Variants in PCDH15 observed in about 807,000 individuals in gnomAD.
PCDH15 encodes the protein protocadherin related 15.
PCDH15 carries 129 observed loss-of-function variants against 178.5 expected under a neutral mutation model. The ratio of observed to expected loss-of-function variants is 0.72; its 90% CI spans 0.63 to 0.84. PCDH15 has a LOEUF of 0.84. Among genes scored for constraint, PCDH15 ranks in the 40% least tolerant of loss-of-function variants. The probability of loss-of-function intolerance (pLI) is 0.00; values close to 1 mark genes in which losing one functional copy is unlikely to be tolerated. For missense variants in PCDH15, 2,230 were observed against 2,099.9 expected (o/e 1.06, Z -1.21); for synonymous variants, 800 against 732.0 (o/e 1.09, Z -1.50).
At chr10:54,600,300 T>C in intron 2 of PCDH15, 4 of 538,900 alleles carry the variant, frequency 7.4e-6, no homozygotes, top group Non-Finnish European at 1.4e-5. Flanking sequence ...AAGGGAGTGA[T>C]AAAGATTCCA....
chr10:54,385,878 C>T (rs915160449), intron 3 of PCDH15, among the ~76,000 whole-genome samples: 2 of 152,130 alleles, frequency 1.3e-5, no homozygotes, highest in Admixed American at 1.3e-4. Context: ...CAAAGCCTGA[C>T]GAAGTACTTT....
chr10:54,059,881 C>T (rs1414552046), intron 18 of PCDH15, among the ~76,000 whole-genome samples: 1 of 152,160 alleles, frequency 6.6e-6, no homozygotes, highest in Non-Finnish European at 1.5e-5. Context: ...TAGTTCGTGG[C>T]ACATTGTAAG....
At chr10:55,380,216 T>G (rs1837500573) in intron 2 of PCDH15, among the ~76,000 whole-genome samples, 2 of 152,020 alleles carry the variant, frequency 1.3e-5, no homozygotes, top group African/African-American at 4.8e-5. Context: ...GTAACAGTCA[T>G]CCAAAGAATA....
At chr10:54,942,303 G>T (rs545739374) in intron 2 of PCDH15, among the ~76,000 whole-genome samples, 5 of 152,102 alleles carry the variant, frequency 3.3e-5, no homozygotes, top group African/African-American at 9.6e-5. Context: ...GGGTTGTGGT[G>T]CCAATGCCAC....
intron 1 of PCDH15, among the ~76,000 whole-genome samples, chr10:54,741,124 C>T (rs1944747865): frequency 1.3e-5 from 2 of 150,050 alleles, no homozygotes; most frequent in Non-Finnish European, 1.5e-5. Context: ...ACCATATGTA[C>T]CACATAAATA....
intron 25 of PCDH15, among the ~76,000 whole-genome samples, chr10:53,921,902 T>C (rs2610855): frequency 0.047 from 7,101 of 152,282 alleles, 513 homozygotes; most frequent in African/African-American, 0.16. Context: ...TCCCTATTTA[T>C]GGAAAAGATA....
At chr10:54,181,073 C>T (rs1451176155) in intron 13 of PCDH15, among the ~76,000 whole-genome samples, 1 of 152,128 alleles carries the variant, frequency 6.6e-6, no homozygotes, top group Non-Finnish European at 1.5e-5. Context: ...GGCTGTTTTT[C>T]TGTGTAAACT....
Position 55,182,124 on chromosome 10 carries a change from G to A in PCDH15, c.-155-15473C>T, listed in dbSNP as rs1166739590. Among the ~76,000 whole-genome samples the A allele has an allele frequency of 2.0e-5, 3 of 151,960 alleles. No individual in the cohort carries two copies. The East Asian group carries it at 5.8e-4, about 29-fold the overall frequency. ...AAAACAAGATTCTTGGCATTCTGAG[G>A]TTTTCTAGCATGAGGATACTTATTT... On this transcript the variant is annotated intron_variant, in intron 1 of 5. Transcript: ENST00000458638.
At chr10:54,029,270 G>C (rs1590004740) in intron 18 of PCDH15, among the ~76,000 whole-genome samples, 1 of 152,242 alleles carries the variant, frequency 6.6e-6, no homozygotes, top group South Asian at 2.1e-4. Flanking sequence ...AAGCAGCTCA[G>C]TGTATGATGC....
chr10:54,930,157 G>A (rs1475821444), intron 2 of PCDH15, among the ~76,000 whole-genome samples: 2 of 152,124 alleles, frequency 1.3e-5, no homozygotes, highest in African/African-American at 4.8e-5. Context: ...TGTACAGTAA[G>A]GAGCACACAA....
intron 14 of PCDH15, among the ~76,000 whole-genome samples, chr10:54,133,771 G>T (rs1258273709): frequency 1.3e-5 from 2 of 151,952 alleles, no homozygotes; most frequent in African/African-American, 4.8e-5. Context: ...GGTTTGTAAG[G>T]TGGAAACATT....
At chr10:54,195,016 C>T (rs7901520) in intron 11 of PCDH15, among the ~76,000 whole-genome samples, 1 of 151,936 alleles carries the variant, frequency 6.6e-6, no homozygotes, top group Non-Finnish European at 1.5e-5. Flanking sequence ...AGTCTTTCAG[C>T]CCTTCTGTTC....
At chr10:53,952,445 C>G (rs891783782) in intron 23 of PCDH15, among the ~76,000 whole-genome samples, 23 of 152,260 alleles carry the variant, frequency 1.5e-4, no homozygotes, top group Middle Eastern at 3.4e-3. Flanking sequence ...GCAGGTTGTC[C>G]TGATGTCTGC....
intron 12 of PCDH15, among the ~76,000 whole-genome samples, chr10:54,184,897 T>C (rs751550496): frequency 2.6e-5 from 4 of 152,128 alleles, no homozygotes; most frequent in Admixed American, 1.3e-4. Context: ...TTCTTTTTTT[T>C]TTGAAAAGTT....
chr10:54,602,758 T>C (rs76877454), intron 2 of PCDH15, among the ~76,000 whole-genome samples: 1,915 of 152,136 alleles, frequency 0.013, 43 homozygotes, highest in African/African-American at 0.044. Flanking sequence ...GTTTATGTAG[T>C]GTATCACATT....
At chr10:54,117,492 T>G (rs4007261) in intron 15 of PCDH15, among the ~76,000 whole-genome samples, 95,597 of 151,854 alleles carry the variant, frequency 0.63, 30,790 homozygotes, top group East Asian at 0.99. Flanking sequence ...GTGTCGGGGA[T>G]GGGGTGCCTG....
chr10:55,079,659 T>C (rs1458618246), intron 2 of PCDH15, among the ~76,000 whole-genome samples: 1 of 152,114 alleles, frequency 6.6e-6, no homozygotes, highest in Non-Finnish European at 1.5e-5. Flanking sequence ...GGACAGCTAG[T>C]GTGGCATGGG....
intron 1 of PCDH15, among the ~76,000 whole-genome samples, chr10:55,184,336 C>A (rs1232263495): frequency 1.3e-5 from 2 of 151,908 alleles, no homozygotes; most frequent in Non-Finnish European, 2.9e-5. Flanking sequence ...TGTGAGGACT[C>A]ACTACAAAGG....
chr10:55,100,661 C>G (rs1842555770), intron 2 of PCDH15, among the ~76,000 whole-genome samples: 2 of 152,046 alleles, frequency 1.3e-5, no homozygotes, highest in African/African-American at 4.8e-5. Context: ...ACAGCCAGCT[C>G]TCATGCGAAC....
Sources: gnomAD v4.1 joint callset for allele counts (sites outside exome capture counted in the v4.1 genomes callset) on GRCh38, gnomAD v4.1.1 for gene constraint, MANE v1.5 for transcripts, NCBI Gene and HGNC (gene_info 2026-07-23, HGNC 2026-07-21) for gene names.